MAT2B: variants seen among roughly 807,000 people sequenced by gnomAD.
The protein encoded by MAT2B is methionine adenosyltransferase 2 subunit beta.
A neutral mutation model predicts 36.1 loss-of-function variants in MAT2B; 16 were observed. The ratio of observed to expected loss-of-function variants is 0.44; its 90% CI spans 0.30 to 0.67. MAT2B has a LOEUF of 0.67. Among genes scored for constraint, MAT2B ranks in the 30% least tolerant of loss-of-function variants. MAT2B has a pLI of 0.09. For missense variants in MAT2B, 332 were observed against 398.2 expected, an observed-to-expected ratio of 0.83 and a Z score of 1.42; for synonymous variants, 148 against 136.9, an observed-to-expected ratio of 1.08 and a Z score of -0.57.
At chr5:163,507,486 C>A (rs547609348) in intron 1 of MAT2B, among the ~76,000 whole-genome samples, 1 of 152,092 alleles carries the variant, frequency 6.6e-6, no homozygotes, top group Non-Finnish European at 1.5e-5. Context: ...GAGGCAGATA[C>A]GTTTAGAGTA....
At chr5:163,509,457 C>T (rs1327584661) in intron 1 of MAT2B, among the ~76,000 whole-genome samples, 1 of 152,132 alleles carries the variant, frequency 6.6e-6, no homozygotes, top group African/African-American at 2.4e-5. Context: ...CGATGATCAG[C>T]ATCACTTGTT....
In MAT2B at chr5:163,505,637, G is replaced by T. The variant is rs915163829; in HGVS notation, c.-50G>T. The T allele has an allele frequency of 1.6e-6, 2 of 1,256,246 alleles. No individual in the cohort carries two copies. The highest frequency in any genetic ancestry group is 1.0e-6 in the Non-Finnish European group (1 of 992,406). 77.8% of individuals were successfully genotyped at this position (1,256,246 alleles called of 1,614,324 possible). Reference sequence around the variant, plus strand: ...CTGAGCTGAGGCCCGCGTCGATCCTGGGTTGGAGGAGGTGGCGGCCGCTGA... The same window carrying T: ...CTGAGCTGAGGCCCGCGTCGATCCTTGGTTGGAGGAGGTGGCGGCCGCTGA... On this transcript the variant is annotated 5_prime_UTR_variant, in exon 1 of 7. Transcript: ENST00000321757.
At chr5:163,506,747 A>G (rs1006638278) in intron 1 of MAT2B, among the ~76,000 whole-genome samples, 1 of 152,252 alleles carries the variant, frequency 6.6e-6, no homozygotes, top group Admixed American at 6.5e-5. Flanking sequence ...GTTTACATTT[A>G]TATGTATGCA....
In MAT2B at chr5:163,508,067, AAACCAAATATT is replaced by A. The variant is rs1759973533; in HGVS notation, c.63+2320_63+2330del. On this transcript the variant is annotated intron_variant, in intron 1 of 6. Coordinates refer to ENST00000321757, the MANE Select transcript of MAT2B (RefSeq NM_013283.5). ...ACAGATAAAACTTTAATCATTCATG[AAACCAAATATT>A]AGTTCACAGGATTGAGACAAAATGC... Among the ~76,000 whole-genome samples the A allele has an allele frequency of 3.3e-5, 5 of 152,338 alleles. No individual in the cohort carries two copies. The South Asian group carries it at 1.0e-3, about 32-fold the overall frequency.
chr5:163,506,236 C>G (rs976015433), intron 1 of MAT2B, among the ~76,000 whole-genome samples: 5 of 152,172 alleles, frequency 3.3e-5, no homozygotes, highest in Non-Finnish European at 7.3e-5. Flanking sequence ...TACTTTAATC[C>G]TCCACTGTGA....
At chr5:163,505,883 C>T in intron 1 of MAT2B, 134 bp downstream of exon 1, 3 of 593,588 alleles carry the variant, frequency 5.1e-6, no homozygotes, top group Non-Finnish European at 7.6e-6. Context: ...TCACCGCCAC[C>T]CTCCCAGCCC....
upstream of MAT2B, among the ~76,000 whole-genome samples, chr5:163,504,787 A>G (rs1391286583): frequency 6.6e-6 from 1 of 152,154 alleles, no homozygotes; most frequent in Non-Finnish European, 1.5e-5. Context: ...AAAAGGTGGT[A>G]GAACGCCCAG....
At chr5:163,517,778 T>G in intron 6 of MAT2B, 104 bp downstream of exon 6, 1 of 677,890 alleles carries the variant, frequency 1.5e-6, no homozygotes, top group East Asian at 2.7e-5. Context: ...GAACTTTGCT[T>G]GTATGCTGGC....
At chr5:163,505,864 G>T (rs1449789859) in intron 1 of MAT2B, 115 bp downstream of exon 1, 2 of 826,488 alleles carry the variant, frequency 2.4e-6, no homozygotes, top group Non-Finnish European at 3.3e-6. Context: ...CCTCCGGCCG[G>T]GAGTGGTCTC....
At chr5:163,504,367 G>A (rs1759894718), upstream of MAT2B, among the ~76,000 whole-genome samples, 1 of 152,064 alleles carries the variant, frequency 6.6e-6, no homozygotes, top group South Asian at 2.1e-4. Flanking sequence ...ACCTCAGGCT[G>A]TCTTCGATTA....
chr5:163,517,277 A>C (rs1185980538), intron 5 of MAT2B: 1 of 223,344 alleles, frequency 4.5e-6, no homozygotes, highest in Non-Finnish European at 8.9e-6. Flanking sequence ...CTGTTTTCAT[A>C]AAAATTTGTA....
Position 163,516,534 on chromosome 5 carries a change from G to A in MAT2B, c.543G>A (p.Arg181=), listed in dbSNP as rs1760135898. 1 of 1,613,978 alleles carries A rather than the reference G, an allele frequency of 6.2e-7. No homozygotes were observed. The highest frequency in any genetic ancestry group is 8.5e-7 in the Non-Finnish European group (1 of 1,179,862). ...LENNLGAAVL[R]IPILYGEVEK... is the part of the protein sequence containing the mutation. ...CTTCTCTAGGAGCTGCTGTTTTGAG[G>A]ATTCCTATTCTGTATGGGGAAGTTG... The change falls in exon 5 of 7, where the codon AGG becomes AGA. Residue 181 remains arginine (R), a synonymous_variant. Transcript: ENST00000321757.
chr5:163,503,352 A>T, upstream of MAT2B: 1 of 1,602,268 alleles, frequency 6.2e-7, no homozygotes, highest in Non-Finnish European at 8.6e-7. Context: ...GGCAGAGGCT[A>T]AGACCCATCC....
chr5:163,505,464 C>A (rs1759911113), upstream of MAT2B: 3 of 1,166,802 alleles, frequency 2.6e-6, no homozygotes, highest in South Asian at 1.4e-4. Context: ...TAAGCATCGG[C>A]GCGTGGGCTG....
intron 1 of MAT2B, among the ~76,000 whole-genome samples, chr5:163,508,999 C>T (rs1759993198): frequency 6.6e-6 from 1 of 152,086 alleles, no homozygotes; most frequent in South Asian, 2.1e-4. Context: ...ACTCCACTTC[C>T]TTTTTTACGT....
chr5:163,506,645 T>TTTGGTTC (rs1759945705), intron 1 of MAT2B, among the ~76,000 whole-genome samples: 1 of 152,180 alleles, frequency 6.6e-6, no homozygotes, highest in East Asian at 1.9e-4. Flanking sequence ...TTCAAATCAC[T>TTTGGTTC]TTGGTTCTTT....
At chr5:163,508,743 G>A (rs1176608507) in intron 1 of MAT2B, among the ~76,000 whole-genome samples, 2 of 151,644 alleles carry the variant, frequency 1.3e-5, no homozygotes, top group African/African-American at 2.4e-5. Flanking sequence ...TCAGCCTCCC[G>A]AGTAGCTTAG....
rs980478886 is a variant in MAT2B, at chr5:163,518,423, T to A, written c.*60T>A. Reference sequence around the variant, plus strand: ...GAAAAGTATAGTATGTGGCACTTTTTAAAGAACAAAGGAAATAGTTTTGTA... The same window carrying A: ...GAAAAGTATAGTATGTGGCACTTTTAAAAGAACAAAGGAAATAGTTTTGTA... On this transcript the variant is annotated 3_prime_UTR_variant, in exon 7 of 7. Coordinates refer to ENST00000321757, the MANE Select transcript of MAT2B (RefSeq NM_013283.5). 3.5e-6 allele frequency: 5 copies of A among 1,420,110 alleles called. No individual in the cohort carries two copies. Among genetic ancestry groups the A allele is most frequent in the Non-Finnish European group, 4.8e-6 (5 of 1,044,616 alleles). 88.0% of individuals were successfully genotyped at this position (1,420,110 alleles called of 1,614,324 possible). A position where few individuals can be genotyped will look rare whatever the true frequency, so the allele number is the denominator to read the frequency against.
chr5:163,517,786 G>A, intron 6 of MAT2B, 112 bp downstream of exon 6: 1 of 645,240 alleles, frequency 1.5e-6, no homozygotes, highest in African/African-American at 1.8e-5. Flanking sequence ...CTTGTATGCT[G>A]GCTGTTCATA....
Sources: allele counts gnomAD v4.1 joint callset (sites outside exome capture counted in the v4.1 genomes callset), GRCh38; gene constraint gnomAD v4.1.1; transcripts MANE v1.5; gene names NCBI Gene and HGNC (gene_info 2026-07-23, HGNC 2026-07-21).